The following DOCK8 variants were observed in gnomAD, a reference collection of about 807,000 sequenced individuals.
DOCK8 encodes dedicator of cytokinesis protein 8.
In DOCK8, 141 loss-of-function variants were observed where a neutral mutation model predicts 245.6. The ratio of observed to expected loss-of-function variants is 0.57; its 90% CI spans 0.50 to 0.66. The LOEUF is 0.66. Among genes scored for constraint, DOCK8 ranks in the 30% least tolerant of loss-of-function variants. The pLI is 0.00. For synonymous variants in DOCK8, 1,168 were observed against 970.2 expected (o/e 1.20, Z -3.79); for missense variants, 2,965 against 2,603.4 (o/e 1.14, Z -3.02).
At chr9:238,587 T>C (rs1232831871) in intron 1 of DOCK8, among the ~76,000 whole-genome samples, 1 of 152,172 alleles carries the variant, frequency 6.6e-6, no homozygotes, top group Admixed American at 6.5e-5. Context: ...TCACTTAATG[T>C]TGTCAGTAAG....
rs201738096 is a variant in DOCK8, at chr9:399,143, A to G, written c.3121-3A>G. Reference sequence around the variant, plus strand: ...ATGATTTGGGTGTTTGTTTGTTTTTAAGGAAAATGAACAGGCGGAAAAGAT... The same window carrying G: ...ATGATTTGGGTGTTTGTTTGTTTTTGAGGAAAATGAACAGGCGGAAAAGAT... On this transcript the variant is annotated splice_region_variant and splice_polypyrimidine_tract_variant and intron_variant, in intron 25 of 47. Coordinates refer to ENST00000432829, the MANE Select transcript of DOCK8 (RefSeq NM_203447.4). The G allele has an allele frequency of 2.5e-6, 4 of 1,613,486 alleles. No homozygotes were observed. Among genetic ancestry groups the G allele is most frequent in the Non-Finnish European group, 3.4e-6 (4 of 1,179,682 alleles).
intron 14 of DOCK8, among the ~76,000 whole-genome samples, chr9:354,476 A>T (rs181424523): frequency 0.017 from 2,581 of 152,026 alleles, 76 homozygotes; most frequent in African/African-American, 0.059. Context: ...TGTGTTAGTT[A>T]TCTATTGCTG....
At chr9:256,994 A>G (rs573071) in intron 1 of DOCK8, among the ~76,000 whole-genome samples, 59,407 of 151,948 alleles carry the variant, frequency 0.39, 12,254 homozygotes, top group East Asian at 0.79. Context: ...TCCTTCTCCA[A>G]ATATTCACCC....
At chr9:243,857 T>C (rs2047437842) in intron 1 of DOCK8, among the ~76,000 whole-genome samples, 1 of 152,076 alleles carries the variant, frequency 6.6e-6, no homozygotes. Context: ...CAATCCATGG[T>C]GCCTACTACT....
intron 45 of DOCK8, among the ~76,000 whole-genome samples, chr9:450,346 C>T (rs1198370757): frequency 6.6e-6 from 1 of 152,198 alleles, no homozygotes; most frequent in Non-Finnish European, 1.5e-5. Flanking sequence ...ACATCCAACT[C>T]TTGGCTCAGT....
At chr9:393,242 C>G (rs2054287350) in intron 24 of DOCK8, among the ~76,000 whole-genome samples, 1 of 152,076 alleles carries the variant, frequency 6.6e-6, no homozygotes, top group Non-Finnish European at 1.5e-5. Context: ...TTAGAGCTCT[C>G]TTTCCAAAGG....
intron 9 of DOCK8, 103 bp from the exon 10 acceptor site, chr9:332,295 A>G: frequency 3.8e-6 from 3 of 784,736 alleles, no homozygotes; most frequent in Non-Finnish European, 4.4e-6. Context: ...ATAGCTTCCT[A>G]TGTCATCAAA....
In DOCK8 at chr9:413,084, T is replaced by C. The variant is rs199690587; in HGVS notation, c.3531-1698T>C. Among the ~76,000 whole-genome samples, 76 of 152,256 alleles carry C rather than the reference T, an allele frequency of 5.0e-4. No homozygotes were observed. The East Asian group carries it at 0.011, about 22-fold the overall frequency. On this transcript the variant is annotated intron_variant, in intron 28 of 47. Transcript: ENST00000432829. ...GACATATAGATCAATGAAATTGGGT[T>C]AAGAGTCCAAAAATAAATCTTCATA...
At chr9:442,826 T>C (rs1200204179) in intron 42 of DOCK8, among the ~76,000 whole-genome samples, 2 of 152,182 alleles carry the variant, frequency 1.3e-5, no homozygotes, top group Non-Finnish European at 2.9e-5. Context: ...ATTTGTGCCC[T>C]CCTATGAGTG....
intron 44 of DOCK8, among the ~76,000 whole-genome samples, chr9:448,962 T>A (rs1331896429): frequency 6.6e-6 from 1 of 152,194 alleles, no homozygotes. Flanking sequence ...TCACCCTCAG[T>A]TGGAGAAGGC....
Position 370,281 on chromosome 9 carries a change from G to A in DOCK8, c.1849G>A (p.Ala617Thr). 1 of 1,614,064 alleles carries A rather than the reference G, an allele frequency of 6.2e-7. No individual in the cohort carries two copies. The highest frequency in any genetic ancestry group is 8.5e-7 in the Non-Finnish European group (1 of 1,179,890). The change falls in exon 16 of 48, where the codon GCT (alanine) becomes ACT (threonine). Residue 617 changes from alanine to threonine, a missense_variant. By Grantham distance (58) the Ala-to-Thr change is moderately conservative. Around this residue, in one of 3 missense-constraint regions of DOCK8, gnomAD observed 2,825 missense variants for 2,453.5 expected, o/e 1.15. Coordinates refer to ENST00000432829, the MANE Select transcript of DOCK8 (RefSeq NM_203447.4). ...GPEFLQEVYT[A>T]VTYHNKSPDF... ...TGAATTTCTGCAGGAAGTGTACACA[G>A]CTGTTACATACCATAATAAGTAAGT...
At chr9:231,085 G>A (rs2047105950) in intron 1 of DOCK8, among the ~76,000 whole-genome samples, 2 of 152,152 alleles carry the variant, frequency 1.3e-5, no homozygotes, top group African/African-American at 4.8e-5. Context: ...TGTATAAGGT[G>A]TAAGGAAGGG....
intron 36 of DOCK8, 117 bp downstream of exon 36, chr9:429,971 G>A: frequency 7.8e-7 from 1 of 1,288,068 alleles, no homozygotes; most frequent in Admixed American, 2.0e-5. Context: ...TCTGTCCTGT[G>A]AGAAAGAAAC....
rs373515697 is a variant in DOCK8, at chr9:382,553, G to T, written c.2646G>T (p.Thr882=). The change falls in exon 22 of 48, where the codon ACG becomes ACT. Residue 882 remains threonine, a synonymous_variant. Transcript: ENST00000432829. ...TCCTAGACCCTCGGAGCTACCACAC[G>T]TATGGCCGCACATCAGCTGCTGCTG... The part of the protein sequence containing the change: ...TALLDPRSYH[T]YGRTSAAAVS... 5 of 1,613,996 alleles carry T rather than the reference G, an allele frequency of 3.1e-6. No homozygotes were observed. The East Asian group carries it at 6.7e-5, about 22-fold the overall frequency.
intron 29 of DOCK8, among the ~76,000 whole-genome samples, chr9:415,823 C>G (rs1252434471): frequency 6.6e-6 from 1 of 152,190 alleles, no homozygotes. Flanking sequence ...GGCAATGCTT[C>G]CCTGAGCCAG....
chr9:312,367 G>C lies in DOCK8; in HGVS notation c.741+201G>C, dbSNP rs766329490. 23 of 704,992 alleles carry C rather than the reference G, an allele frequency of 3.3e-5. 1 individual carries two copies. The South Asian group carries it at 3.4e-4, about 11-fold the overall frequency. The allele number at this position is 704,992 out of a possible 1,614,324, so 43.7% of individuals were successfully genotyped here. On this transcript the variant is annotated intron_variant, in intron 6 of 47. Coordinates refer to ENST00000432829, the MANE Select transcript of DOCK8 (RefSeq NM_203447.4). The stretch of plus-strand genomic sequence containing the variant: ...TTGATTATCACACAGATGGGATTCT[G>C]ATAATAATAACAACTGGAATTTTCA...
intron 1 of DOCK8, among the ~76,000 whole-genome samples, chr9:243,490 T>A (rs2047426200): frequency 6.6e-6 from 1 of 152,136 alleles, no homozygotes; most frequent in Non-Finnish European, 1.5e-5. Flanking sequence ...AGTGGAAAGA[T>A]CAATTGTTTC....
chr9:251,902 CAAAAAGTA>C (rs2047656396), intron 1 of DOCK8, among the ~76,000 whole-genome samples: 1 of 151,118 alleles, frequency 6.6e-6, no homozygotes, highest in East Asian at 1.9e-4. Context: ...AAGGGTACAC[CAAAAAGTA>C]AGAAGAATGG....
chr9:310,042 T>A (rs928436699), intron 5 of DOCK8, among the ~76,000 whole-genome samples: 1 of 151,870 alleles, frequency 6.6e-6, no homozygotes, highest in East Asian at 1.9e-4. Flanking sequence ...CCAAGACAGG[T>A]GGATCACTTG....
Sources: allele counts gnomAD v4.1 joint callset (sites outside exome capture counted in the v4.1 genomes callset), GRCh38; gene constraint gnomAD v4.1.1; regional missense constraint gnomAD v4.1.1; transcripts MANE v1.5; gene names NCBI Gene and HGNC (gene_info 2026-07-23, HGNC 2026-07-21).